The following UNC79 variants were observed in gnomAD, a reference collection of about 807,000 sequenced individuals.
UNC79 encodes the protein protein unc-79 homolog.
In UNC79, 37 loss-of-function variants were observed where a neutral mutation model predicts 283.1. The observed-to-expected ratio is 0.13, with a 90% CI of 0.10 to 0.17. UNC79 has a LOEUF of 0.17. Ranked by LOEUF, UNC79 falls within the 10% of genes least tolerant of loss-of-function variation. The pLI is 1.00. For synonymous variants in UNC79, 1,107 were observed against 1,200.2 expected (o/e 0.92, Z 1.61); for missense variants, 2,272 against 3,211.1 (o/e 0.71, Z 7.07).
intron 5 of UNC79, among the ~76,000 whole-genome samples, chr14:93,492,500 C>T (rs774867995): frequency 5.9e-5 from 9 of 152,154 alleles, no homozygotes; most frequent in Non-Finnish European, 1.2e-4. Context: ...ACTACAGGCA[C>T]ATGCCACCAT....
intron 14 of UNC79, among the ~76,000 whole-genome samples, chr14:93,553,560 G>T (rs1447009190): frequency 1.3e-5 from 2 of 152,156 alleles, no homozygotes; most frequent in East Asian, 3.8e-4. Flanking sequence ...GATGACAAGA[G>T]TCTTAGGACA....
At chr14:93,584,866 T>C (rs2064107108) in intron 20 of UNC79, among the ~76,000 whole-genome samples, 2 of 151,322 alleles carry the variant, frequency 1.3e-5, no homozygotes. Flanking sequence ...TGGCTAAGTT[T>C]TTTTTTTTTT....
At chr14:93,544,486 G>A (rs763030075) in intron 14 of UNC79, among the ~76,000 whole-genome samples, 7 of 152,140 alleles carry the variant, frequency 4.6e-5, no homozygotes, top group South Asian at 4.1e-4. Context: ...GTCACATAAC[G>A]GAAGTTCGGC....
intron 38 of UNC79, among the ~76,000 whole-genome samples, chr14:93,658,416 T>G (rs2071183667): frequency 6.6e-6 from 1 of 152,302 alleles, no homozygotes; most frequent in African/African-American, 2.4e-5. Flanking sequence ...CTTGGAAAAC[T>G]CCTGCTTATT....
At chr14:93,582,373 C>A in intron 20 of UNC79, 29 bp downstream of exon 20, 4 of 1,608,008 alleles carry the variant, frequency 2.5e-6, no homozygotes, top group Non-Finnish European at 3.4e-6. Context: ...CCGGGGAATG[C>A]GCCACGTGCA....
At chr14:93,496,786 G>A (rs1465306102) in intron 6 of UNC79, among the ~76,000 whole-genome samples, 1 of 152,156 alleles carries the variant, frequency 6.6e-6, no homozygotes, top group Non-Finnish European at 1.5e-5. Flanking sequence ...CTTTCAAATA[G>A]GAGATGTGAA....
chr14:93,698,476 GTTTTTTTTT>G (rs71129655), intron 47 of UNC79, among the ~76,000 whole-genome samples: 4 of 79,112 alleles, frequency 5.1e-5, no homozygotes, highest in Non-Finnish European at 1.0e-4. Context: ...TTTAGTTTAG[GTTTTTTTTT>G]TTTTTTTTTT....
intron 7 of UNC79, among the ~76,000 whole-genome samples, chr14:93,520,482 A>G (rs2060271781): frequency 6.6e-6 from 1 of 151,858 alleles, no homozygotes; most frequent in Admixed American, 6.6e-5. Flanking sequence ...GTCTCTTCAA[A>G]TATTTCCCCC....
At chr14:93,365,660 A>G (rs1187805836) in intron 1 of UNC79, among the ~76,000 whole-genome samples, 1 of 152,218 alleles carries the variant, frequency 6.6e-6, no homozygotes, top group African/African-American at 2.4e-5. Flanking sequence ...TCAGAGTGAT[A>G]CAGTCAAAGA....
chr14:93,631,488 G>A (rs1478200277), intron 31 of UNC79, among the ~76,000 whole-genome samples: 1 of 152,120 alleles, frequency 6.6e-6, no homozygotes, highest in Admixed American at 6.5e-5. Context: ...GTCCATGGGA[G>A]CTTGAGTTCC....
chr14:93,532,555 A>G, exon 11 of UNC79: 3 of 1,611,148 alleles, frequency 1.9e-6, no homozygotes, highest in Non-Finnish European at 2.5e-6. Flanking sequence ...TACAGCTGAA[A>G]TATCTGCTAT....
intron 1 of UNC79, among the ~76,000 whole-genome samples, chr14:93,466,364 A>T (rs1162613706): frequency 6.6e-6 from 1 of 152,262 alleles, no homozygotes. Flanking sequence ...TGTGGATGTC[A>T]CGTTCACGTG....
intron 10 of UNC79, among the ~76,000 whole-genome samples, chr14:93,530,825 C>T (rs540148321): frequency 9.9e-5 from 15 of 151,894 alleles, no homozygotes; most frequent in African/African-American, 2.2e-4. Flanking sequence ...AGGAGAATGG[C>T]GTGAACCTTT....
intron 1 of UNC79, among the ~76,000 whole-genome samples, chr14:93,435,485 C>T (rs2056051059): frequency 6.6e-6 from 1 of 152,194 alleles, no homozygotes; most frequent in Admixed American, 6.5e-5. Context: ...AGACTCTTGA[C>T]CACATTCACT....
chr14:93,371,444 G>A (rs953088497), intron 1 of UNC79, among the ~76,000 whole-genome samples: 2 of 151,726 alleles, frequency 1.3e-5, no homozygotes, highest in African/African-American at 4.8e-5. Flanking sequence ...ACAAAAAAAC[G>A]CAGAACACAA....
chr14:93,553,354 C>T (rs1031277898), intron 14 of UNC79, among the ~76,000 whole-genome samples: 3 of 152,084 alleles, frequency 2.0e-5, no homozygotes, highest in African/African-American at 4.8e-5. Flanking sequence ...TTGTTTAGTC[C>T]ATGAAATTAA....
chr14:93,399,383 C>T (rs965099585), intron 1 of UNC79, among the ~76,000 whole-genome samples: 9 of 152,094 alleles, frequency 5.9e-5, no homozygotes, highest in East Asian at 1.9e-4. Flanking sequence ...GGAATTCCGC[C>T]GAGCACAATT....
intron 8 of UNC79, among the ~76,000 whole-genome samples, chr14:93,527,530 G>A (rs946815050): frequency 1.3e-5 from 2 of 152,138 alleles, no homozygotes; most frequent in African/African-American, 2.4e-5. Context: ...AAATGTTGAC[G>A]GTAAATTGAG....
At chr14:93,443,762 G>GT (rs1377815381) in intron 1 of UNC79, among the ~76,000 whole-genome samples, 3 of 152,118 alleles carry the variant, frequency 2.0e-5, no homozygotes, top group African/African-American at 7.2e-5. Context: ...GTTTTGGAGA[G>GT]TCACTCATGT....
Sources: gnomAD v4.1 joint callset for allele counts (sites outside exome capture counted in the v4.1 genomes callset) on GRCh38, gnomAD v4.1.1 for gene constraint, MANE v1.5 for transcripts, NCBI Gene and HGNC (gene_info 2026-07-23, HGNC 2026-07-21) for gene names.